MTERF4: variants seen among roughly 807,000 people sequenced by gnomAD.
The protein encoded by MTERF4 is mitochondrial transcription termination factor 4.
Under a neutral mutation model 22.5 loss-of-function variants are expected in MTERF4, and 17 were observed. The observed-to-expected ratio is 0.75, with a 90% CI of 0.52 to 1.13. The LOEUF is 1.13. Ranked by LOEUF, MTERF4 falls within the 50% of genes most tolerant of loss-of-function variation. The probability of loss-of-function intolerance (pLI) is 0.00; values close to 1 mark genes in which losing one functional copy is unlikely to be tolerated. For missense variants in MTERF4, 420 were observed against 466.8 expected, an observed-to-expected ratio of 0.90 and a Z score of 0.92; for synonymous variants, 165 against 175.3, an observed-to-expected ratio of 0.94 and a Z score of 0.47.
chr2:241,042,695 GA>G, the MTERF4 span, among the ~76,000 whole-genome samples: 51 of 152,238 alleles, frequency 3.4e-4, no homozygotes, highest in Non-Finnish European at 6.3e-4. Context: ...AAAACTTGTA[GA>G]AATGAAAAAT....
chr2:241,096,993 T>C lies in MTERF4; in HGVS notation c.705+250A>G. The C allele has an allele frequency of 3.4e-6, 2 of 594,246 alleles. No homozygotes were observed. The highest frequency in any genetic ancestry group is 5.9e-6 in the Non-Finnish European group (2 of 336,992). The allele number at this position is 594,246 out of a possible 1,614,324, so 36.8% of individuals were successfully genotyped here. On this transcript the variant is annotated intron_variant, in intron 3 of 3. Coordinates refer to ENST00000391980, the MANE Select transcript of MTERF4 (RefSeq NM_182501.4). This position sits in a 1 kb window ranked among gnomAD's most constrained non-coding sequence, Gnocchi z 5.1. Reference sequence around the variant, plus strand: ...GTTGAAGAATAGGTTTGATCTGTAGTAAAGAAATTAAAGATTTCTCTTTGG... The same window carrying C: ...GTTGAAGAATAGGTTTGATCTGTAGCAAAGAAATTAAAGATTTCTCTTTGG...
chr2:241,081,297 C>T (rs1356767909), intron 4 of MTERF4, among the ~76,000 whole-genome samples: 2 of 144,294 alleles, frequency 1.4e-5, no homozygotes, highest in Non-Finnish European at 3.1e-5. Flanking sequence ...CAGCAGAAAC[C>T]GTGTTCAGGG....
intron 2 of MTERF4, 28 bp from the exon 3 acceptor site, chr2:241,097,455 T>C (rs2064505253): frequency 6.3e-7 from 1 of 1,599,630 alleles, no homozygotes; most frequent in Admixed American, 1.7e-5. Context: ...AAGGCAAGCA[T>C]ATAATTTCAG....
intron 4 of MTERF4, among the ~76,000 whole-genome samples, chr2:241,078,374 C>T (rs1384730746): frequency 8.4e-6 from 1 of 119,272 alleles, no homozygotes; most frequent in Non-Finnish European, 1.7e-5. Context: ...CAGAACTAGA[C>T]TCCGTCTCAA....
chr2:241,042,677 T>G, the MTERF4 span, among the ~76,000 whole-genome samples: 1 of 152,226 alleles, frequency 6.6e-6, no homozygotes, highest in Admixed American at 6.5e-5. Context: ...AAGTAGAAGG[T>G]ATTTTTAAAA....
chr2:241,053,080 G>C, the MTERF4 span: 1 of 1,446,116 alleles, frequency 6.9e-7, no homozygotes, highest in South Asian at 1.3e-5. Context: ...CAGTCGGGTC[G>C]GGCAGAGGCA....
Position 241,073,163 on chromosome 2 carries a change from C to CGGAT in MTERF4, n.2998_2999insATCC, listed in dbSNP as rs1437168762. On this transcript the variant is annotated non_coding_transcript_exon_variant, in exon 5 of 5. Transcript: ENST00000464344. This position sits in a 1 kb window ranked among gnomAD's most constrained non-coding sequence, Gnocchi z 6.6. ...CAGGGAGCCTGGTCCCCACCAGGGACATCCGTGCTCCCTGAGATATAGAAG... is the reference window on the plus strand; with the variant it reads ...CAGGGAGCCTGGTCCCCACCAGGGACGGATATCCGTGCTCCCTGAGATATAGAAG... 3.7e-6 allele frequency: 3 copies of CGGAT among 800,116 alleles called. No individual in the cohort carries two copies. Among genetic ancestry groups the CGGAT allele is most frequent in the Non-Finnish European group, 6.0e-6 (3 of 497,778 alleles). 49.6% of individuals were successfully genotyped at this position (800,116 alleles called of 1,614,324 possible). A position where few individuals can be genotyped will look rare whatever the true frequency, so the allele number is the denominator to read the frequency against.
chr2:241,067,454 C>T (rs376609392), downstream of MTERF4, among the ~76,000 whole-genome samples: 143 of 152,334 alleles, frequency 9.4e-4, no homozygotes, highest in African/African-American at 2.5e-3. Flanking sequence ...AGAGGGACTC[C>T]GGCCCATCCC....
At chr2:241,099,946 T>A (rs1467793124) in intron 1 of MTERF4, 52 bp from the exon 2 acceptor site, 3 of 1,579,322 alleles carry the variant, frequency 1.9e-6, no homozygotes, top group Non-Finnish European at 2.6e-6. Flanking sequence ...TCCAGTGTAA[T>A]GGACACCATA....
At chr2:241,044,647 T>A in the MTERF4 span, among the ~76,000 whole-genome samples, 1 of 152,134 alleles carries the variant, frequency 6.6e-6, no homozygotes, top group African/African-American at 2.4e-5. Flanking sequence ...GGAGAAGCCC[T>A]CTAGTCCAGC....
At chr2:241,063,959 C>T in the MTERF4 span, 2 of 1,307,398 alleles carry the variant, frequency 1.5e-6, no homozygotes, top group South Asian at 2.6e-5. Flanking sequence ...CCTCTCCTCC[C>T]TCCCCCAGAC....
the MTERF4 span, chr2:241,048,852 G>A: frequency 7.8e-7 from 1 of 1,277,184 alleles, no homozygotes; most frequent in Non-Finnish European, 1.1e-6. Context: ...GGGGTCCGTA[G>A]GTCCAGACTG....
At chr2:241,071,928 A>G (rs775644770), downstream of MTERF4, 47 of 1,411,552 alleles carry the variant, frequency 3.3e-5, no homozygotes, top group South Asian at 5.6e-4. Flanking sequence ...CCTCGTCCTC[A>G]CTGCCACTCT....
At chr2:241,046,128 C>G in the MTERF4 span, among the ~76,000 whole-genome samples, 4 of 152,272 alleles carry the variant, frequency 2.6e-5, no homozygotes, top group Admixed American at 2.6e-4. Context: ...TCACAACAAA[C>G]TCATTAGAAT....
At chr2:241,052,439 C>T in the MTERF4 span, 1 of 1,609,446 alleles carries the variant, frequency 6.2e-7, no homozygotes, top group Non-Finnish European at 8.5e-7. Context: ...CACTGCCAAG[C>T]AGGGTACATG....
the MTERF4 span, chr2:241,050,158 C>G: frequency 1.7e-6 from 1 of 587,692 alleles, no homozygotes; most frequent in African/African-American, 1.9e-5. Flanking sequence ...TTACCTTGCT[C>G]TTCTGAAAAT....
chr2:241,073,045 G>A lies in MTERF4; in HGVS notation n.3117C>T. 1.8e-6 allele frequency: 1 copy of A among 542,200 alleles called. No individual in the cohort carries two copies. Among genetic ancestry groups the A allele is most frequent in the Non-Finnish European group, 3.3e-6 (1 of 304,506 alleles). The allele number at this position is 542,200 out of a possible 1,614,324, so 33.6% of individuals were successfully genotyped here. ...AAGCAGCTCTGAGGGGGCCCTGCAA[G>A]GGGAAGGCCGAGCCCCTCCAGAGGG... On this transcript the variant is annotated non_coding_transcript_exon_variant, in exon 5 of 5. Transcript: ENST00000464344. The surrounding 1 kb of genome is among the most constrained non-coding windows in gnomAD (Gnocchi z 6.6).
At chr2:241,056,153 T>C in the MTERF4 span, among the ~76,000 whole-genome samples, 1 of 151,842 alleles carries the variant, frequency 6.6e-6, no homozygotes, top group Non-Finnish European at 1.5e-5. Flanking sequence ...CCATGAAAAA[T>C]TTTCTTTATG....
the MTERF4 span, among the ~76,000 whole-genome samples, chr2:241,060,703 G>A: frequency 6.6e-6 from 1 of 152,132 alleles, no homozygotes. Context: ...AGCACTTTGG[G>A]AGGCCAAGAC....
Sources: gnomAD v4.1 joint callset for allele counts (sites outside exome capture counted in the v4.1 genomes callset) on GRCh38, gnomAD v4.1.1 for gene constraint, Gnocchi (gnomAD v3.1) non-coding constraint, MANE v1.5 for transcripts, NCBI Gene and HGNC (gene_info 2026-07-23, HGNC 2026-07-21) for gene names.